Variants in MACROD2 observed in about 807,000 individuals in gnomAD.
MACROD2 encodes mono-ADP ribosylhydrolase 2.
A neutral mutation model predicts 70.4 loss-of-function variants in MACROD2; 36 were observed. That is an observed-to-expected ratio of 0.51 (90% CI 0.39 to 0.68). MACROD2 has a LOEUF of 0.68. Ranked by LOEUF, MACROD2 falls within the 30% of genes least tolerant of loss-of-function variation. The probability of loss-of-function intolerance (pLI) is 0.00; values close to 1 mark genes in which losing one functional copy is unlikely to be tolerated. For synonymous variants in MACROD2, 172 were observed against 178.8 expected, an observed-to-expected ratio of 0.96 and a Z score of 0.30; for missense variants, 496 against 538.4, an observed-to-expected ratio of 0.92 and a Z score of 0.78.
intron 5 of MACROD2, among the ~76,000 whole-genome samples, chr20:14,747,239 G>T (rs1600619934): frequency 6.6e-6 from 1 of 152,294 alleles, no homozygotes; most frequent in African/African-American, 2.4e-5. Flanking sequence ...GAAGCAAAGT[G>T]AGAACACAGC....
At chr20:14,531,077 C>T (rs530865471) in intron 4 of MACROD2, among the ~76,000 whole-genome samples, 43 of 151,978 alleles carry the variant, frequency 2.8e-4, no homozygotes, top group Non-Finnish European at 4.4e-4. Context: ...ATTTTATTTT[C>T]CATTTGTGGT....
intron 3 of MACROD2, among the ~76,000 whole-genome samples, chr20:14,394,602 A>G (rs1217184654): frequency 1.3e-5 from 2 of 152,136 alleles, no homozygotes; most frequent in Admixed American, 6.5e-5. Context: ...TTGCCTTATC[A>G]CAATGGCTAG....
chr20:14,951,802 C>T (rs2074478250), intron 5 of MACROD2, among the ~76,000 whole-genome samples: 1 of 152,064 alleles, frequency 6.6e-6, no homozygotes, highest in Non-Finnish European at 1.5e-5. Context: ...CATGAGTTAC[C>T]CTGTGTCCCT....
At chr20:15,236,550 A>G (rs1280716383) in intron 6 of MACROD2, among the ~76,000 whole-genome samples, 1 of 152,220 alleles carries the variant, frequency 6.6e-6, no homozygotes, top group Non-Finnish European at 1.5e-5. Context: ...ATTAATTCTC[A>G]AAACAATCCT....
rs12625816 is a variant in MACROD2 at position 15,023,788 on chromosome 20, C to T, written c.419-206152C>T. Among the ~76,000 whole-genome samples, 269 of 152,214 alleles carry T rather than the reference C, an allele frequency of 1.8e-3. 7 individuals are homozygous for T. The East Asian group carries it at 0.046, about 26-fold the overall frequency. On this transcript the variant is annotated intron_variant, in intron 5 of 17. Transcript: ENST00000684519. ...TCCTATGACGTGGGAATTCTGGGGG[C>T]TGCAATTCAAGATGAGATTTGGGTG...
chr20:15,948,177 A>T (rs1389994197), intron 12 of MACROD2, among the ~76,000 whole-genome samples: 7 of 152,072 alleles, frequency 4.6e-5, no homozygotes, highest in Non-Finnish European at 1.0e-4. Flanking sequence ...CTTGCAACTT[A>T]GCTCACACCC....
intron 13 of MACROD2, among the ~76,000 whole-genome samples, chr20:15,972,561 G>A (rs1247389162): frequency 6.6e-6 from 1 of 152,220 alleles, no homozygotes; most frequent in African/African-American, 2.4e-5. Flanking sequence ...AGTAATCCCA[G>A]CACTTTGGAA....
At chr20:14,074,322 G>T (rs2148662756) in intron 2 of MACROD2, among the ~76,000 whole-genome samples, 1 of 152,226 alleles carries the variant, frequency 6.6e-6, no homozygotes, top group Admixed American at 6.5e-5. Flanking sequence ...ATGGTCCTGT[G>T]ATACGGGTAG....
intron 5 of MACROD2, among the ~76,000 whole-genome samples, chr20:14,988,719 A>G (rs2074872746): frequency 6.6e-6 from 1 of 152,038 alleles, no homozygotes. Context: ...CTTGGTTTTA[A>G]AGGCCATAAA....
intron 8 of MACROD2, among the ~76,000 whole-genome samples, chr20:15,820,312 C>T (rs1427069456): frequency 6.6e-6 from 1 of 152,020 alleles, no homozygotes; most frequent in Non-Finnish European, 1.5e-5. Flanking sequence ...CGCCTCAGCC[C>T]CTTGAGTATT....
At chr20:15,424,289 A>C (rs2046268969) in intron 6 of MACROD2, among the ~76,000 whole-genome samples, 1 of 152,234 alleles carries the variant, frequency 6.6e-6, no homozygotes, top group Non-Finnish European at 1.5e-5. Flanking sequence ...GGTAATGTCC[A>C]TCTGTTTACC....
At chr20:15,664,083 A>G (rs563224749) in intron 8 of MACROD2, among the ~76,000 whole-genome samples, 1 of 152,354 alleles carries the variant, frequency 6.6e-6, no homozygotes, top group African/African-American at 2.4e-5. Flanking sequence ...TGCTTTGGCA[A>G]TTTAGATCAG....
chr20:14,945,276 T>C (rs1271749499), intron 5 of MACROD2, among the ~76,000 whole-genome samples: 1 of 151,800 alleles, frequency 6.6e-6, no homozygotes, highest in Non-Finnish European at 1.5e-5. Context: ...TGGGTTTTCA[T>C]CATATTTGCC....
chr20:15,208,602 T>A (rs1362683234), intron 5 of MACROD2, among the ~76,000 whole-genome samples: 1 of 152,122 alleles, frequency 6.6e-6, no homozygotes, highest in Non-Finnish European at 1.5e-5. Context: ...ACAACTGCCA[T>A]GTTGTAGGGG....
At chr20:14,327,074 T>C in intron 3 of MACROD2, 2 of 1,613,760 alleles carry the variant, frequency 1.2e-6, no homozygotes, top group Non-Finnish European at 8.5e-7. Context: ...CCCTCTTCTA[T>C]GCTAACTGCA....
At chr20:14,634,557 G>A (rs541858225) in intron 4 of MACROD2, among the ~76,000 whole-genome samples, 1 of 116,442 alleles carries the variant, frequency 8.6e-6, no homozygotes, top group Non-Finnish European at 1.6e-5. Context: ...CGCCCAACTG[G>A]AGTTTAATTT....
chr20:15,041,855 T>C (rs1485877884), intron 5 of MACROD2, among the ~76,000 whole-genome samples: 1 of 152,196 alleles, frequency 6.6e-6, no homozygotes, highest in Non-Finnish European at 1.5e-5. Flanking sequence ...TGCTTCATTA[T>C]ATTGTTCAAT....
At chr20:14,379,037 A>C (rs986646551) in intron 3 of MACROD2, among the ~76,000 whole-genome samples, 2 of 152,170 alleles carry the variant, frequency 1.3e-5, no homozygotes, top group Non-Finnish European at 1.5e-5. Context: ...CCCAATAATA[A>C]TAATGACTAG....
intron 3 of MACROD2, among the ~76,000 whole-genome samples, chr20:14,471,597 A>G (rs1035822294): frequency 7.2e-5 from 11 of 152,212 alleles, no homozygotes; most frequent in African/African-American, 2.4e-4. Context: ...TTATGGTGCA[A>G]CATTCTAAGC....
Sources: allele counts gnomAD v4.1 joint callset (sites outside exome capture counted in the v4.1 genomes callset), GRCh38; gene constraint gnomAD v4.1.1; transcripts MANE v1.5; gene names NCBI Gene and HGNC (gene_info 2026-07-23, HGNC 2026-07-21).